SEMA3G: variants seen among roughly 807,000 people sequenced by gnomAD.
SEMA3G encodes semaphorin 3G.
Under a neutral mutation model 86.2 loss-of-function variants are expected in SEMA3G, and 70 were observed. That is an observed-to-expected ratio of 0.81 (90% confidence interval 0.67 to 0.99). The LOEUF (loss-of-function observed/expected upper bound fraction) is 0.99. Ranked by LOEUF, SEMA3G falls within the 50% of genes least tolerant of loss-of-function variation. The pLI, the probability that SEMA3G is intolerant of heterozygous loss-of-function variation, is 0.00. For missense variants in SEMA3G, 1,002 were observed against 1,072.4 expected, an observed-to-expected ratio of 0.93 and a Z score of 0.92; for synonymous variants, 416 against 441.4, an observed-to-expected ratio of 0.94 and a Z score of 0.72.
chr3:52,439,970 G>C lies in SEMA3G; in HGVS notation c.1272C>G (p.Arg424=), dbSNP rs1243947943. ...MFWPVRPRHG[R]PVLVKTHLAQ... ...CCAGGTGGGTCTTGACAAGGACAGG[G>C]CGGCCATGTCGAGGCCGCACAGGCC... Residue 424 remains arginine, a synonymous_variant, in exon 11 of 16, where the codon CGC becomes CGG. Transcript: ENST00000231721. The C allele has an allele frequency of 2.5e-6, 4 of 1,613,780 alleles. No individual in the cohort carries two copies. The South Asian group carries it at 3.3e-5, about 13-fold the overall frequency.
Position 52,435,071 on chromosome 3 carries a change from G to C in SEMA3G, c.*532C>G, listed in dbSNP as rs1225504924. ...ATCACGGCGCGACAGGAGGGGAGGTGCATTGTTGCTCCACCTTCCCAACAC... is the reference window on the plus strand; with the variant it reads ...ATCACGGCGCGACAGGAGGGGAGGTCCATTGTTGCTCCACCTTCCCAACAC... On this transcript the variant is annotated 3_prime_UTR_variant, in exon 16 of 16. Coordinates refer to ENST00000231721, the MANE Select transcript of SEMA3G (RefSeq NM_020163.3). The C allele has an allele frequency of 6.5e-6, 1 of 154,944 alleles. No individual in the cohort carries two copies. The highest frequency in any genetic ancestry group is 1.9e-4 in the East Asian group (1 of 5,200). The allele number at this position is 154,944 out of a possible 1,614,324, so 9.6% of individuals were successfully genotyped here. A position where few individuals can be genotyped will look rare whatever the true frequency, so the allele number is the denominator to read the frequency against.
Position 52,442,738 on chromosome 3 carries a change from C to T in SEMA3G, c.276+9G>A. On this transcript the variant is annotated intron_variant, in intron 2 of 15. Transcript: ENST00000231721. The surrounding 1 kb of genome is among the most constrained non-coding windows in gnomAD (Gnocchi z 6.1). ...CAAACAGACCCTCTTCCCTGCCAGT[C>T]CAGCTCACCTCCCGGGGATCTGGCC... 3 of 1,613,708 alleles carry T rather than the reference C, an allele frequency of 1.9e-6. No individual in the cohort carries two copies. In the South Asian group the frequency reaches 3.3e-5, roughly 18 times the overall value.
At position 52,435,478 on chromosome 3, in the gene SEMA3G, A is replaced by C. The variant is rs1006597171; in HGVS notation, c.*125T>G. Reference sequence around the variant, plus strand: ...GACCCCAGTAGCGGTGTGGGGGCAGAGACACCTGTCTCTAAGAGGCAAACA... The same window carrying C: ...GACCCCAGTAGCGGTGTGGGGGCAGCGACACCTGTCTCTAAGAGGCAAACA... On this transcript the variant is annotated 3_prime_UTR_variant, in exon 16 of 16. Transcript: ENST00000231721. 5.5e-6 allele frequency: 5 copies of C among 902,678 alleles called. No individual in the cohort carries two copies. The highest frequency in any genetic ancestry group is 4.6e-5 in the Admixed American group (2 of 43,126). 55.9% of individuals were successfully genotyped at this position (902,678 alleles called of 1,614,324 possible).
In SEMA3G at chr3:52,442,354, A is replaced by G. The variant is rs767016009; in HGVS notation, c.340-50T>C. ...TGAGGGGTGAGAGGGGGTGCCCACC[A>G]TCTCCTTGGGGCCCAAGGCTCAGCC... On this transcript the variant is annotated intron_variant, in intron 3 of 15. Transcript: ENST00000231721. This position sits in a 1 kb window ranked among gnomAD's most constrained non-coding sequence, Gnocchi z 6.1. 3.7e-6 allele frequency: 5 copies of G among 1,347,598 alleles called. No homozygotes were observed. In the Admixed American group the frequency reaches 8.0e-5, roughly 22 times the overall value. The allele number at this position is 1,347,598 out of a possible 1,614,324, so 83.5% of individuals were successfully genotyped here. A position where few individuals can be genotyped will look rare whatever the true frequency, so the allele number is the denominator to read the frequency against.
Position 52,442,555 on chromosome 3 carries a change from T to C in SEMA3G, c.339+4A>G. On this transcript the variant is annotated splice_donor_region_variant and intron_variant, in intron 3 of 15. Coordinates refer to ENST00000231721, the MANE Select transcript of SEMA3G (RefSeq NM_020163.3). This position sits in a 1 kb window ranked among gnomAD's most constrained non-coding sequence, Gnocchi z 6.1. ...GGGGGACCATCCCTCCCGACAGCAC[T>C]CACCAAAGGATCTCTTCCCTTTCGA... 6.2e-7 allele frequency: 1 copy of C among 1,613,986 alleles called. No individual in the cohort carries two copies. Among genetic ancestry groups the C allele is most frequent in the Non-Finnish European group, 8.5e-7 (1 of 1,179,936 alleles).
rs766164256 is a variant in SEMA3G at position 52,440,397 on chromosome 3, G to T, written c.1123C>A (p.Pro375Thr). The change falls in exon 10 of 16, where the codon CCC (proline) becomes ACC (threonine). Residue 375 changes from proline (P) to threonine (T), a missense_variant. Pro to Thr is a conservative substitution (Grantham distance 38, BLOSUM62 -1). Coordinates refer to ENST00000231721, the MANE Select transcript of SEMA3G (RefSeq NM_020163.3). ...HQWGPYGGKVPFPRPGVCPSK... is the reference protein window; with the variant it reads ...HQWGPYGGKVTFPRPGVCPSK... ...CTCACCACGCCAGGGCGAGGGAAGG[G>T]CACCTTGCCCCCATAGGGCCCCCAC... 6.2e-7 allele frequency: 1 copy of T among 1,607,892 alleles called. No individual in the cohort carries two copies.
chr3:52,438,774 G>C, intron 13 of SEMA3G, 146 bp downstream of exon 13: 1 of 1,482,166 alleles, frequency 6.7e-7, no homozygotes, highest in Non-Finnish European at 9.0e-7. Context: ...CTGGCCACTT[G>C]TTGCAGGGGC....
At chr3:52,436,257 C>T (rs1706048722) in intron 15 of SEMA3G, among the ~76,000 whole-genome samples, 184 bp from the exon 16 acceptor site, 1 of 152,232 alleles carries the variant, frequency 6.6e-6, no homozygotes, top group Non-Finnish European at 1.5e-5. Flanking sequence ...CCAGCTAATT[C>T]AGGTGGGGCC....
At chr3:52,440,642 C>G (rs1231845423) in intron 9 of SEMA3G, 112 bp downstream of exon 9, 35 of 1,465,256 alleles carry the variant, frequency 2.4e-5, no homozygotes, top group Non-Finnish European at 3.1e-5. Flanking sequence ...CTCCGAAAAG[C>G]AAAGACCCCA....
chr3:52,440,119 A>T, intron 10 of SEMA3G, 21 bp from the exon 11 acceptor site: 1 of 1,536,692 alleles, frequency 6.5e-7, no homozygotes, highest in Middle Eastern at 1.8e-4. Flanking sequence ...CAGGGAAGGG[A>T]GTGCCTGAAG....
intron 14 of SEMA3G, 102 bp downstream of exon 14, chr3:52,437,869 G>T: frequency 8.3e-7 from 1 of 1,199,362 alleles, no homozygotes; most frequent in Non-Finnish European, 1.2e-6. Context: ...AGGACTATCC[G>T]TCATGACAAG....
chr3:52,442,026 C>T lies in SEMA3G; in HGVS notation c.460-117G>A. 7.6e-7 allele frequency: 1 copy of T among 1,323,700 alleles called. No individual in the cohort carries two copies. The highest frequency in any genetic ancestry group is 1.0e-6 in the Non-Finnish European group (1 of 964,910). The allele number at this position is 1,323,700 out of a possible 1,614,324, so 82.0% of individuals were successfully genotyped here. A position where few individuals can be genotyped will look rare whatever the true frequency, so the allele number is the denominator to read the frequency against. The stretch of plus-strand genomic sequence containing the variant: ...AGAGCGGGGGTGGGCGGAAGGCGTC[C>T]TCATCCAGGGCCCCTCTAATGGGGT... On this transcript the variant is annotated intron_variant, in intron 4 of 15. Transcript: ENST00000231721. The surrounding 1 kb of genome is among the most constrained non-coding windows in gnomAD (Gnocchi z 6.1).
Position 52,440,993 on chromosome 3 carries a change from G to A in SEMA3G, c.869C>T (p.Ala290Val). Residue 290 changes from alanine (A) to valine (V), a missense_variant, in exon 8 of 16, where the codon GCC (alanine) becomes GTC (valine). Physicochemically the swap from Ala to Val is moderately conservative, Grantham distance 64. Transcript: ENST00000231721. ...GCCGGGCACCGAGCAGACCAGCCTG[G>A]CCTTGAGGAAAGTGCTCCATTTGTT... ...LVNKWSTFLK[A>V]RLVCSVPGPG... is the part of the protein sequence containing the mutation. The A allele has an allele frequency of 6.2e-7, 1 of 1,605,970 alleles. No homozygotes were observed.
rs748153795 is a variant in SEMA3G, at chr3:52,435,662, T to C, written c.2290A>G (p.Met764Val). Reference sequence around the variant, plus strand: ...TGCTCGGCATGCACCCGGCTCTTCATCTTCTTGCCTAGCTCCAGCCCTGCC... The same window carrying C: ...TGCTCGGCATGCACCCGGCTCTTCACCTTCTTGCCTAGCTCCAGCCCTGCC... ...SWAGLELGKK[M>V]KSRVHAEHNR... Residue 764 changes from methionine (M) to valine (V), a missense_variant, in exon 16 of 16, where the codon ATG becomes GTG. Met to Val is a conservative substitution (Grantham distance 21, BLOSUM62 1). Transcript: ENST00000231721. The C allele has an allele frequency of 3.1e-6, 5 of 1,614,010 alleles. No individual in the cohort carries two copies. In the South Asian group the frequency reaches 4.4e-5, roughly 14 times the overall value.
At position 52,434,368 on chromosome 3, in the gene SEMA3G, T is replaced by TC. The variant is rs1706004686; in HGVS notation, c.*1234dup. The TC allele has an allele frequency of 6.6e-6, 1 of 151,984 alleles. No individual in the cohort carries two copies. The highest frequency in any genetic ancestry group is 2.4e-5 in the African/African-American group (1 of 41,358). The allele number at this position is 151,984 out of a possible 1,614,324, so 9.4% of individuals were successfully genotyped here. A position where few individuals can be genotyped will look rare whatever the true frequency, so the allele number is the denominator to read the frequency against. Reference sequence around the variant, plus strand: ...CCCGAGAATCAGCGGGACTTACACTTCTTCGTCCTTTTCTCTACCTTGTTT... The same window carrying TC: ...CCCGAGAATCAGCGGGACTTACACTTCCTTCGTCCTTTTCTCTACCTTGTTT... On this transcript the variant is annotated 3_prime_UTR_variant, in exon 16 of 16. Coordinates refer to ENST00000231721, the MANE Select transcript of SEMA3G (RefSeq NM_020163.3). The surrounding 1 kb of genome is among the most constrained non-coding windows in gnomAD (Gnocchi z 5.2).
chr3:52,441,216 G>C, intron 7 of SEMA3G, 48 bp downstream of exon 7: 2 of 1,591,092 alleles, frequency 1.3e-6, no homozygotes, highest in Non-Finnish European at 1.7e-6. Context: ...CTGGGAATGG[G>C]AGGGTGTAGC....
chr3:52,438,853 G>A, intron 13 of SEMA3G, 67 bp downstream of exon 13: 2 of 1,599,886 alleles, frequency 1.3e-6, no homozygotes, highest in South Asian at 1.1e-5. Context: ...CGGAGCAGGG[G>A]CAGAGGAGGA....
At chr3:52,440,697 C>T (rs868131977) in intron 9 of SEMA3G, 57 bp downstream of exon 9, 26 of 1,537,862 alleles carry the variant, frequency 1.7e-5, no homozygotes, top group African/African-American at 1.1e-4. Context: ...CACAGGTCAC[C>T]GAATCAGGGA....
Position 52,435,763 on chromosome 3 carries a change from C to G in SEMA3G, c.2189G>C (p.Trp730Ser). 6.2e-7 allele frequency: 1 copy of G among 1,614,142 alleles called. No homozygotes were observed. The highest frequency in any genetic ancestry group is 8.5e-7 in the Non-Finnish European group (1 of 1,180,036). The change falls in exon 16 of 16, where the codon TGG becomes TCG. Residue 730 changes from tryptophan to serine, a missense_variant. Coordinates refer to ENST00000231721, the MANE Select transcript of SEMA3G (RefSeq NM_020163.3). ...TGAGCATTCCGTGGTGCCCCTGCAC[C>G]ACACGCGCTCACAGTACTCATCCAC... ...PRVDEYCERV[W>S]CRGTTECSGC...
Sources: gnomAD v4.1 joint callset for allele counts (sites outside exome capture counted in the v4.1 genomes callset) on GRCh38, gnomAD v4.1.1 for gene constraint, Gnocchi (gnomAD v3.1) non-coding constraint, MANE v1.5 for transcripts, NCBI Gene and HGNC (gene_info 2026-07-23, HGNC 2026-07-21) for gene names.